Variants in C10orf143 observed in about 807,000 individuals in gnomAD.
C10orf143 encodes the protein chromosome 10 open reading frame 143.
intron 3 of C10orf143, among the ~76,000 whole-genome samples, chr10:130,038,353 G>C (rs993093229): frequency 6.6e-6 from 1 of 152,120 alleles, no homozygotes; most frequent in Non-Finnish European, 1.5e-5. Flanking sequence ...AGAATAACAG[G>C]CCGTTGTCCA....
chr10:130,080,463 TG>T (rs56695317), intron 1 of C10orf143, among the ~76,000 whole-genome samples: 3,727 of 152,326 alleles, frequency 0.024, 48 homozygotes, highest in Middle Eastern at 0.044. Context: ...AATCCTGTAA[TG>T]CTAAAGAAAA....
At chr10:130,046,268 G>C (rs1044840826) in intron 3 of C10orf143, among the ~76,000 whole-genome samples, 5 of 152,040 alleles carry the variant, frequency 3.3e-5, no homozygotes, top group African/African-American at 1.2e-4. Context: ...GGACGCGGGG[G>C]CACGGCAATG....
intron 1 of C10orf143, among the ~76,000 whole-genome samples, chr10:130,094,591 T>C (rs1861434364): frequency 6.6e-6 from 1 of 152,192 alleles, no homozygotes; most frequent in Non-Finnish European, 1.5e-5. Context: ...TCAATAAATG[T>C]AATCCATGAC....
chr10:130,092,844 G>A (rs1221968010), intron 1 of C10orf143, among the ~76,000 whole-genome samples: 1 of 152,094 alleles, frequency 6.6e-6, no homozygotes, highest in Non-Finnish European at 1.5e-5. Flanking sequence ...ATGGTAAAGG[G>A]ATGAATGCAA....
At position 130,065,648 on chromosome 10, in the gene C10orf143, A is replaced by G. The variant is rs1406586503; in HGVS notation, c.298-1265T>C. 6.6e-6 allele frequency: 1 copy of G among 152,276 alleles called. No homozygotes were observed. Among genetic ancestry groups the G allele is most frequent in the African/African-American group, 2.4e-5 (1 of 41,474 alleles). 9.4% of individuals were successfully genotyped at this position (152,276 alleles called of 1,614,324 possible). ...AGAATATTCCCAGAATCACATGTGT[A>G]GCAGGTATCCCTTTACAAAAGGACA... On this transcript the variant is annotated intron_variant, in intron 3 of 3. Transcript: ENST00000637128. This position sits in a 1 kb window ranked among gnomAD's most constrained non-coding sequence, Gnocchi z 4.2.
chr10:130,082,290 G>A (rs1261839560), intron 1 of C10orf143, among the ~76,000 whole-genome samples: 1 of 151,914 alleles, frequency 6.6e-6, no homozygotes, highest in Non-Finnish European at 1.5e-5. Context: ...GGGATTATAG[G>A]TATGAGCCAC....
intron 1 of C10orf143, among the ~76,000 whole-genome samples, chr10:130,110,297 C>T (rs918727842): frequency 3.9e-5 from 6 of 152,230 alleles, no homozygotes; most frequent in Admixed American, 3.9e-4. Flanking sequence ...AGCCCTGGGC[C>T]TGGCACGTGG....
At chr10:130,069,971 A>C (rs908318442) in intron 3 of C10orf143, among the ~76,000 whole-genome samples, 4 of 151,932 alleles carry the variant, frequency 2.6e-5, no homozygotes, top group African/African-American at 4.8e-5. Flanking sequence ...ACTAAGTATC[A>C]CGTCCTTAAT....
intron 1 of C10orf143, among the ~76,000 whole-genome samples, chr10:130,095,660 T>C (rs953467643): frequency 6.6e-6 from 1 of 152,188 alleles, no homozygotes; most frequent in African/African-American, 2.4e-5. Context: ...CTTCTGATCT[T>C]TGACAAAGCT....
chr10:130,109,009 AC>A (rs1861713246), intron 1 of C10orf143, among the ~76,000 whole-genome samples: 1 of 151,964 alleles, frequency 6.6e-6, no homozygotes, highest in African/African-American at 2.4e-5. Context: ...GCTCAAGTCA[AC>A]CCCTACAACA....
chr10:130,050,129 A>G lies in C10orf143; in HGVS notation c.298-14159T>C, dbSNP rs556721902. 2.1e-4 allele frequency among the ~76,000 whole-genome samples: 32 copies of G among 152,322 alleles called. 1 individual carries two copies. The highest frequency in any genetic ancestry group is 7.5e-4 in the African/African-American group (31 of 41,568). Reference sequence around the variant, plus strand: ...TCAAAAACAGAAAACAGGTGGTGGGACCCGCCTGGGCGAGACATTCCTGGC... The same window carrying G: ...TCAAAAACAGAAAACAGGTGGTGGGGCCCGCCTGGGCGAGACATTCCTGGC... On this transcript the variant is annotated intron_variant and NMD_transcript_variant, in intron 3 of 5. Transcript: ENST00000643056.
At chr10:130,110,572 C>T (rs888868830) in intron 1 of C10orf143, 132 bp downstream of exon 1, 34 of 397,064 alleles carry the variant, frequency 8.6e-5, no homozygotes, top group Admixed American at 3.1e-4. Context: ...CAGGGACGTA[C>T]GCGAGCGTGC....
intron 3 of C10orf143, among the ~76,000 whole-genome samples, chr10:130,077,680 A>G (rs973340171): frequency 2.0e-5 from 3 of 152,242 alleles, no homozygotes; most frequent in African/African-American, 7.2e-5. Context: ...ACTCCCAGGG[A>G]TCTTGCATCT....
At chr10:130,091,350 TAACA>T (rs1201374664) in intron 1 of C10orf143, among the ~76,000 whole-genome samples, 4 of 152,076 alleles carry the variant, frequency 2.6e-5, no homozygotes, top group Admixed American at 1.3e-4. Flanking sequence ...GAAGGAAAAC[TAACA>T]AACAGAAAGC....
chr10:130,102,461 A>G (rs1263504766), intron 1 of C10orf143, among the ~76,000 whole-genome samples: 1 of 151,978 alleles, frequency 6.6e-6, no homozygotes, highest in African/African-American at 2.4e-5. Context: ...CTTAGTAGAG[A>G]TGGGGTTTCA....
chr10:130,060,264 G>A (rs145120037), downstream of C10orf143, among the ~76,000 whole-genome samples: 1 of 152,246 alleles, frequency 6.6e-6, no homozygotes, highest in East Asian at 1.9e-4. Context: ...ACCAGAAGGT[G>A]CCCTCTGCAC....
At chr10:130,082,194 T>TA (rs1359370729) in intron 1 of C10orf143, among the ~76,000 whole-genome samples, 2 of 151,996 alleles carry the variant, frequency 1.3e-5, no homozygotes, top group Admixed American at 6.6e-5. Context: ...TTTTTTTTTT[T>TA]AGAGATGAGG....
intron 3 of C10orf143, among the ~76,000 whole-genome samples, chr10:130,055,490 G>A (rs1219610399): frequency 1.3e-5 from 2 of 152,156 alleles, no homozygotes; most frequent in East Asian, 1.9e-4. Flanking sequence ...GGTCATTTTC[G>A]ATCATCAACA....
chr10:130,101,765 C>T (rs1295314429), intron 1 of C10orf143, among the ~76,000 whole-genome samples: 1 of 136,256 alleles, frequency 7.3e-6, no homozygotes, highest in African/African-American at 2.8e-5. Context: ...GAGGCTGAGG[C>T]AGGAGAATCT....
Sources: gnomAD v4.1 joint callset for allele counts (sites outside exome capture counted in the v4.1 genomes callset) on GRCh38, gnomAD v4.1.1 for gene constraint, Gnocchi (gnomAD v3.1) non-coding constraint, MANE v1.5 for transcripts, NCBI Gene and HGNC (gene_info 2026-07-23, HGNC 2026-07-21) for gene names.